The following CTTNBP2NL variants were observed in gnomAD, a reference collection of about 807,000 sequenced individuals.
CTTNBP2NL encodes CTTNBP2 N-terminal like.
A neutral mutation model predicts 32.5 loss-of-function variants in CTTNBP2NL; 16 were observed. The observed-to-expected ratio is 0.49, with a 90% CI of 0.33 to 0.75. The LOEUF (loss-of-function observed/expected upper bound fraction) is 0.75. CTTNBP2NL is among the 30% of genes least tolerant of loss of function. The pLI is 0.02. For missense variants in CTTNBP2NL, 645 were observed against 756.0 expected (o/e 0.85, Z 1.72); for synonymous variants, 298 against 289.4 (o/e 1.03, Z -0.30).
At chr1:112,400,928 T>G (rs1648478297) in intron 1 of CTTNBP2NL, among the ~76,000 whole-genome samples, 1 of 141,954 alleles carries the variant, frequency 7.0e-6, no homozygotes, top group African/African-American at 2.7e-5. Context: ...ATTGTGTCAC[T>G]GCACTCCAGC....
At chr1:112,444,148 A>G (rs914684778) in intron 3 of CTTNBP2NL, among the ~76,000 whole-genome samples, 1 of 152,234 alleles carries the variant, frequency 6.6e-6, no homozygotes, top group Non-Finnish European at 1.5e-5. Flanking sequence ...TTATGGTACC[A>G]GCCTGAGTCT....
At chr1:112,394,335 G>A (rs2488769), upstream of CTTNBP2NL, among the ~76,000 whole-genome samples, 70,612 of 152,038 alleles carry the variant, frequency 0.46, 18,984 homozygotes, top group African/African-American at 0.75. Flanking sequence ...AGGCGATGAG[G>A]CACTTCCTCA....
chr1:112,456,751 C>T lies in CTTNBP2NL; in HGVS notation c.1259C>T (p.Ser420Phe), dbSNP rs781576896. 26 of 1,614,130 alleles carry T rather than the reference C, an allele frequency of 1.6e-5. No homozygotes were observed. Among genetic ancestry groups the T allele is most frequent in the South Asian group, 2.2e-5 (2 of 91,082 alleles). Reference protein sequence around the residue: ...GSSLSPSSTASSSLTSSPCSS... With the variant: ...GSSLSPSSTAFSSLTSSPCSS... Reference sequence around the variant, plus strand: ...TCACTGTCTCCCAGCAGCACTGCCTCCTCCTCTCTAACATCCTCTCCTTGC... The same window carrying T: ...TCACTGTCTCCCAGCAGCACTGCCTTCTCCTCTCTAACATCCTCTCCTTGC... Residue 420 changes from serine to phenylalanine, a missense_variant, in exon 6 of 6, where the codon TCC (serine) becomes TTC (phenylalanine). By Grantham distance (155) the Ser-to-Phe change is radical. Coordinates refer to ENST00000271277, the MANE Select transcript of CTTNBP2NL (RefSeq NM_018704.3).
At chr1:112,453,194 A>G (rs1033396394) in intron 4 of CTTNBP2NL, among the ~76,000 whole-genome samples, 20 of 151,844 alleles carry the variant, frequency 1.3e-4, no homozygotes, top group African/African-American at 4.1e-4. Flanking sequence ...TGCTCAAGCA[A>G]TCCTCCTGCC....
chr1:112,395,942 A>C (rs953214248), upstream of CTTNBP2NL, among the ~76,000 whole-genome samples: 1 of 152,216 alleles, frequency 6.6e-6, no homozygotes, highest in African/African-American at 2.4e-5. Flanking sequence ...GCAGAGGTGG[A>C]AAGTTGCAGA....
At position 112,416,261 on chromosome 1, in the gene CTTNBP2NL, A is replaced by G. The variant is rs1476375658; in HGVS notation, c.96A>G (p.Leu32=). 6.6e-7 allele frequency: 1 copy of G among 1,505,210 alleles called. No homozygotes were observed. The highest frequency in any genetic ancestry group is 2.0e-5 in the Admixed American group (1 of 50,292). 93.2% of individuals were successfully genotyped at this position (1,505,210 alleles called of 1,614,324 possible). A position where few individuals can be genotyped will look rare whatever the true frequency, so the allele number is the denominator to read the frequency against. ...LEARDLVIEA[L]KAQHRDTFIE... ...CAAGGGACCTTGTTATAGAAGCCTT[A>G]AAGGTATGTTAAAAGAAAAAAAAAA... Residue 32 remains leucine, a synonymous_variant, in exon 3 of 6, where the codon TTA becomes TTG. Coordinates refer to ENST00000271277, the MANE Select transcript of CTTNBP2NL (RefSeq NM_018704.3).
chr1:112,431,272 T>C (rs1649563058), intron 3 of CTTNBP2NL, among the ~76,000 whole-genome samples: 1 of 152,266 alleles, frequency 6.6e-6, no homozygotes, highest in South Asian at 2.1e-4. Flanking sequence ...TGTGTCTTCC[T>C]TGCATGTGTT....
intron 3 of CTTNBP2NL, among the ~76,000 whole-genome samples, chr1:112,417,227 A>G (rs2101003191): frequency 6.6e-6 from 1 of 152,268 alleles, no homozygotes; most frequent in Non-Finnish European, 1.5e-5. Flanking sequence ...TCTATTTACT[A>G]ATCACTGTAT....
chr1:112,446,614 A>G (rs1219101751), intron 3 of CTTNBP2NL, among the ~76,000 whole-genome samples: 1 of 152,196 alleles, frequency 6.6e-6, no homozygotes, highest in East Asian at 1.9e-4. Context: ...ATGTAGTGGT[A>G]TAATCAGAGC....
intron 1 of CTTNBP2NL, among the ~76,000 whole-genome samples, chr1:112,400,140 A>G (rs906154532): frequency 2.0e-5 from 3 of 152,232 alleles, no homozygotes; most frequent in Non-Finnish European, 4.4e-5. Context: ...TAAATCTTCC[A>G]AAGTTCAATT....
At chr1:112,447,347 TCACACA>T (rs950380772) in intron 3 of CTTNBP2NL, among the ~76,000 whole-genome samples, 9 of 149,036 alleles carry the variant, frequency 6.0e-5, no homozygotes, top group African/African-American at 2.2e-4. Context: ...CACTTTTAAT[TCACACA>T]CACACACACA....
intron 3 of CTTNBP2NL, among the ~76,000 whole-genome samples, chr1:112,433,076 A>C (rs897170064): frequency 6.6e-6 from 1 of 151,842 alleles, no homozygotes; most frequent in Non-Finnish European, 1.5e-5. Context: ...ATTCCTCTTA[A>C]ATCTGATATC....
chr1:112,436,791 C>T (rs758169401), intron 3 of CTTNBP2NL, among the ~76,000 whole-genome samples: 1 of 151,912 alleles, frequency 6.6e-6, no homozygotes, highest in Non-Finnish European at 1.5e-5. Flanking sequence ...TTTTTCTGGT[C>T]TTCTCCCTCA....
chr1:112,394,624 G>C (rs996352232), upstream of CTTNBP2NL, among the ~76,000 whole-genome samples: 1 of 152,110 alleles, frequency 6.6e-6, no homozygotes, highest in Non-Finnish European at 1.5e-5. Context: ...TTCACTCATA[G>C]TCTTGCTATC....
At chr1:112,440,727 T>A (rs2798246) in intron 3 of CTTNBP2NL, among the ~76,000 whole-genome samples, 3,744 of 152,324 alleles carry the variant, frequency 0.025, 125 homozygotes, top group African/African-American at 0.08. Context: ...TAACACTTAT[T>A]GTTCTTCACT....
In CTTNBP2NL at chr1:112,449,069, G is replaced by T. The variant is rs761210850; in HGVS notation, c.227G>T (p.Cys76Phe). Residue 76 changes from cysteine to phenylalanine, a missense_variant, in exon 4 of 6, where the codon TGC (cysteine) becomes TTC (phenylalanine). Cys to Phe is a radical substitution (Grantham distance 205). Transcript: ENST00000271277. ...AATGATGGCGAAAAGCAGCCAGTCT[G>T]CACAAATCCACTCTCTATTCTTAAG... ...EKNDGEKQPV[C>F]TNPLSILKVV... The T allele has an allele frequency of 1.9e-6, 3 of 1,612,936 alleles. No individual in the cohort carries two copies. Among genetic ancestry groups the T allele is most frequent in the Non-Finnish European group, 2.5e-6 (3 of 1,178,918 alleles).
intron 3 of CTTNBP2NL, among the ~76,000 whole-genome samples, chr1:112,427,738 A>G (rs2101012795): frequency 6.6e-6 from 1 of 152,244 alleles, no homozygotes; most frequent in East Asian, 1.9e-4. Flanking sequence ...TATTAAAAAT[A>G]CAAAAAAATT....
At chr1:112,411,595 ATTTG>A (rs1465216404) in intron 1 of CTTNBP2NL, among the ~76,000 whole-genome samples, 3 of 151,940 alleles carry the variant, frequency 2.0e-5, no homozygotes, top group Non-Finnish European at 4.4e-5. Context: ...TAAGAGGCTG[ATTTG>A]TTTGTTTATG....
chr1:112,443,585 G>T (rs1385117231), intron 3 of CTTNBP2NL, among the ~76,000 whole-genome samples: 2 of 152,178 alleles, frequency 1.3e-5, no homozygotes, highest in Non-Finnish European at 2.9e-5. Flanking sequence ...CTGACCTCAA[G>T]TGATCTGCCT....
Sources: allele counts gnomAD v4.1 joint callset (sites outside exome capture counted in the v4.1 genomes callset), GRCh38; gene constraint gnomAD v4.1.1; transcripts MANE v1.5; gene names NCBI Gene and HGNC (gene_info 2026-07-23, HGNC 2026-07-21).